Variants in SHC4 observed in about 807,000 individuals in gnomAD.
The protein encoded by SHC4 is SHC-transforming protein 4.
SHC4 carries 41 observed loss-of-function variants against 69.4 expected under a neutral mutation model. The observed-to-expected ratio is 0.59, with a 90% confidence interval of 0.46 to 0.77. SHC4 has a LOEUF of 0.77. Among genes scored for constraint, SHC4 ranks in the 30% least tolerant of loss-of-function variants. SHC4 has a pLI of 0.00. For synonymous variants in SHC4, 318 were observed against 299.3 expected, an observed-to-expected ratio of 1.06 and a Z score of -0.64; for missense variants, 777 against 783.8, an observed-to-expected ratio of 0.99 and a Z score of 0.10.
chr15:48,936,245 A>G (rs764656918), intron 1 of SHC4, among the ~76,000 whole-genome samples: 11 of 152,316 alleles, frequency 7.2e-5, no homozygotes, highest in Non-Finnish European at 1.2e-4. Context: ...TTGTTCAGTC[A>G]TTCACATTGG....
intron 5 of SHC4, among the ~76,000 whole-genome samples, chr15:48,871,161 T>C (rs928205574): frequency 2.6e-5 from 4 of 152,350 alleles, no homozygotes; most frequent in African/African-American, 9.6e-5. Context: ...AAGGATATAA[T>C]CTTTTCTTTA....
intron 2 of SHC4, among the ~76,000 whole-genome samples, chr15:48,922,760 T>C (rs1470749534): frequency 1.3e-5 from 2 of 152,318 alleles, no homozygotes; most frequent in African/African-American, 4.8e-5. Context: ...CTTTCTCTCA[T>C]CTGTAGCCTG....
intron 7 of SHC4, among the ~76,000 whole-genome samples, 163 bp from the exon 8 acceptor site, chr15:48,856,287 C>T (rs759586686): frequency 5.3e-5 from 8 of 152,100 alleles, no homozygotes; most frequent in Non-Finnish European, 1.0e-4. Context: ...TGGGAGCAGT[C>T]AGATGGTTGA....
At chr15:48,934,528 C>G (rs1901032031) in intron 1 of SHC4, among the ~76,000 whole-genome samples, 1 of 152,166 alleles carries the variant, frequency 6.6e-6, no homozygotes, top group African/African-American at 2.4e-5. Flanking sequence ...CTAGGGGAAA[C>G]AGCTTGGCAG....
chr15:48,878,280 G>C (rs1172719478), intron 4 of SHC4: 2 of 1,613,672 alleles, frequency 1.2e-6, no homozygotes. Flanking sequence ...GAGGTAGGCA[G>C]CGGGAGCCGG....
At chr15:48,826,266 T>A in intron 11 of SHC4, 140 bp from the exon 12 acceptor site, 2 of 856,066 alleles carry the variant, frequency 2.3e-6, no homozygotes, top group Non-Finnish European at 3.4e-6. Flanking sequence ...TTTTTTTTTT[T>A]TTTGAGACAG....
intron 3 of SHC4, among the ~76,000 whole-genome samples, chr15:48,885,310 A>C (rs1900015611): frequency 6.6e-6 from 1 of 150,984 alleles, no homozygotes; most frequent in Non-Finnish European, 1.5e-5. Flanking sequence ...TAAGCCTCAA[A>C]TTCCTTTTAT....
In SHC4 at chr15:48,884,242, T is replaced by A; in HGVS notation, c.840+6A>T. ...GTTTATCTATAAATGACATTTGTGATCTTACCTGTTGGTTGTCAAGATTCA... is the reference window on the plus strand; with the variant it reads ...GTTTATCTATAAATGACATTTGTGAACTTACCTGTTGGTTGTCAAGATTCA... On this transcript the variant is annotated splice_donor_region_variant and intron_variant, in intron 4 of 11. Coordinates refer to ENST00000332408, the MANE Select transcript of SHC4 (RefSeq NM_203349.4). 6.3e-7 allele frequency: 1 copy of A among 1,589,706 alleles called. No homozygotes were observed. Among genetic ancestry groups the A allele is most frequent in the African/African-American group, 1.4e-5 (1 of 73,502 alleles).
chr15:48,947,816 T>C (rs1304054494), intron 1 of SHC4: 1 of 152,234 alleles, frequency 6.6e-6, no homozygotes, highest in Non-Finnish European at 1.5e-5. Context: ...ATTTGTTTAA[T>C]GTTTGCAGAA....
chr15:48,890,339 A>C lies in SHC4; in HGVS notation c.720+409T>G, dbSNP rs116307187. Among the ~76,000 whole-genome samples, 668 of 152,324 alleles carry C rather than the reference A, an allele frequency of 4.4e-3. 4 individuals carry two copies. Among genetic ancestry groups the C allele is most frequent in the African/African-American group, 0.015 (632 of 41,564 alleles). On this transcript the variant is annotated intron_variant, in intron 3 of 11. Coordinates refer to ENST00000332408, the MANE Select transcript of SHC4 (RefSeq NM_203349.4). The stretch of plus-strand genomic sequence containing the variant: ...AGGCCAGGAAGCCTAAAAAGTCTAA[A>C]ATGTTATAATGCAGAATACATACAT...
In SHC4 at chr15:48,962,744, G is replaced by C; in HGVS notation, c.272C>G (p.Ala91Gly). ...TPLCTLIPRM[A>G]SMKLANPATL... is the part of the protein sequence containing the mutation. The stretch of plus-strand genomic sequence containing the variant: ...GGCCGGGTTGGCCAGCTTCATGCTT[G>C]CCATGCGGGGGATCAAGGTGCACAG... The change falls in exon 1 of 12, where the codon GCA (alanine) becomes GGA (glycine). Residue 91 changes from alanine (A) to glycine (G), a missense_variant. By Grantham distance (60) the Ala-to-Gly change is moderately conservative. Coordinates refer to ENST00000332408, the MANE Select transcript of SHC4 (RefSeq NM_203349.4). 1 of 1,613,494 alleles carries C rather than the reference G, an allele frequency of 6.2e-7. No homozygotes were observed. Among genetic ancestry groups the C allele is most frequent in the Non-Finnish European group, 8.5e-7 (1 of 1,180,018 alleles).
At chr15:48,911,410 C>T (rs1028594907) in intron 2 of SHC4, among the ~76,000 whole-genome samples, 1 of 152,110 alleles carries the variant, frequency 6.6e-6, no homozygotes, top group African/African-American at 2.4e-5. Flanking sequence ...CATCCATTTG[C>T]ATGAAATGGT....
Position 48,963,333 on chromosome 15 carries a change from C to T in SHC4, c.-318G>A, listed in dbSNP as rs1252435645. ...GGGTCGCTCACGGCCAACTCTTAGGCGCAGAACCCGGGCGAGCGCCGGTCG... is the reference window on the plus strand; with the variant it reads ...GGGTCGCTCACGGCCAACTCTTAGGTGCAGAACCCGGGCGAGCGCCGGTCG... On this transcript the variant is annotated 5_prime_UTR_variant, in exon 1 of 12. Coordinates refer to ENST00000332408, the MANE Select transcript of SHC4 (RefSeq NM_203349.4). 1 of 314,042 alleles carries T rather than the reference C, an allele frequency of 3.2e-6. No individual in the cohort carries two copies. Among genetic ancestry groups the T allele is most frequent in the East Asian group, 5.6e-5 (1 of 17,818 alleles). 19.5% of individuals were successfully genotyped at this position (314,042 alleles called of 1,614,324 possible). A position where few individuals can be genotyped will look rare whatever the true frequency, so the allele number is the denominator to read the frequency against.
intron 8 of SHC4, among the ~76,000 whole-genome samples, chr15:48,851,597 C>T (rs1235847830): frequency 6.6e-6 from 1 of 152,164 alleles, no homozygotes; most frequent in Non-Finnish European, 1.5e-5. Context: ...TAAACATTGG[C>T]CATGTAGCCA....
At position 48,847,800 on chromosome 15, in the gene SHC4, C is replaced by T. The variant is rs182870285; in HGVS notation, c.1303+3388G>A. On this transcript the variant is annotated intron_variant, in intron 9 of 11. Coordinates refer to ENST00000332408, the MANE Select transcript of SHC4 (RefSeq NM_203349.4). ...GGCAGATCACCTAAGGTTGGGAGTT[C>T]GAGACCAACCTGACCAACATGGAGA... Among the ~76,000 whole-genome samples, 639 of 151,976 alleles carry T rather than the reference C, an allele frequency of 4.2e-3. 3 individuals are homozygous for T. Among genetic ancestry groups the T allele is most frequent in the African/African-American group, 0.015 (622 of 41,452 alleles).
chr15:48,852,639 C>T (rs933117302), intron 8 of SHC4, among the ~76,000 whole-genome samples: 11 of 152,156 alleles, frequency 7.2e-5, no homozygotes, highest in Non-Finnish European at 1.5e-4. Context: ...TGACGGCTCA[C>T]GCTTGTAATC....
intron 2 of SHC4, among the ~76,000 whole-genome samples, chr15:48,910,470 T>C (rs1042867915): frequency 6.6e-6 from 1 of 152,130 alleles, no homozygotes; most frequent in Non-Finnish European, 1.5e-5. Context: ...ATCTTGCTAA[T>C]GGTCTATCAA....
intron 2 of SHC4, among the ~76,000 whole-genome samples, chr15:48,920,824 C>T (rs983423221): frequency 2.6e-5 from 4 of 151,950 alleles, no homozygotes; most frequent in Admixed American, 6.6e-5. Context: ...TGGATCATGC[C>T]TGTAATCCCA....
At chr15:48,880,385 A>G (rs1899917805) in intron 4 of SHC4, among the ~76,000 whole-genome samples, 1 of 152,192 alleles carries the variant, frequency 6.6e-6, no homozygotes, top group African/African-American at 2.4e-5. Context: ...CTACGGTCAG[A>G]TGAGTGTGGA....
Sources: allele counts gnomAD v4.1 joint callset (sites outside exome capture counted in the v4.1 genomes callset), GRCh38; gene constraint gnomAD v4.1.1; transcripts MANE v1.5; gene names NCBI Gene and HGNC (gene_info 2026-07-23, HGNC 2026-07-21).